The following NAALADL2 variants were observed in gnomAD, a reference collection of about 807,000 sequenced individuals.
NAALADL2 encodes N-acetylated alpha-linked acidic dipeptidase like 2.
Under a neutral mutation model 87.2 loss-of-function variants are expected in NAALADL2, and 76 were observed. The observed-to-expected ratio is 0.87, with a 90% CI of 0.72 to 1.05. The LOEUF is 1.05. Ranked by LOEUF, NAALADL2 falls within the 50% of genes least tolerant of loss-of-function variation. The pLI is 0.00. For missense variants in NAALADL2, 1,089 were observed against 945.8 expected (o/e 1.15, Z -1.99); for synonymous variants, 354 against 331.0 (o/e 1.07, Z -0.75).
chr3:175,438,918 A>G (rs1719212453), intron 5 of NAALADL2, among the ~76,000 whole-genome samples: 1 of 152,078 alleles, frequency 6.6e-6, no homozygotes, highest in Non-Finnish European at 1.5e-5. Flanking sequence ...TAAGTCCTTT[A>G]GTGGTGATTT....
At chr3:175,295,759 T>C (rs1480874362) in intron 4 of NAALADL2, among the ~76,000 whole-genome samples, 2 of 150,520 alleles carry the variant, frequency 1.3e-5, no homozygotes, top group African/African-American at 4.9e-5. Flanking sequence ...CCTCTCTCTC[T>C]CTCTCAGCAC....
intron 2 of NAALADL2, among the ~76,000 whole-genome samples, chr3:175,153,607 A>C (rs1181199811): frequency 6.6e-6 from 1 of 152,188 alleles, no homozygotes; most frequent in African/African-American, 2.4e-5. Flanking sequence ...GGTTCAAGTA[A>C]ATTTAAGTTT....
chr3:174,703,464 A>C (rs1469796570), intron 2 of NAALADL2, among the ~76,000 whole-genome samples: 2 of 152,282 alleles, frequency 1.3e-5, no homozygotes, highest in East Asian at 3.9e-4. Context: ...TGGACTGACT[A>C]GTTTCCTGGG....
intron 2 of NAALADL2, among the ~76,000 whole-genome samples, chr3:174,642,501 T>A (rs1425272994): frequency 1.1e-5 from 1 of 93,628 alleles, no homozygotes; most frequent in African/African-American, 4.7e-5. Flanking sequence ...ACTCAGTCTC[T>A]GGGGATAAAA....
intron 1 of NAALADL2, among the ~76,000 whole-genome samples, chr3:174,966,270 G>A (rs961046121): frequency 6.6e-6 from 1 of 152,118 alleles, no homozygotes; most frequent in African/African-American, 2.4e-5. Context: ...CCCTCGGCCT[G>A]TCATAATATG....
chr3:174,450,939 G>T (rs1429919043), intron 1 of NAALADL2, among the ~76,000 whole-genome samples: 1 of 150,522 alleles, frequency 6.6e-6, no homozygotes, highest in Non-Finnish European at 1.5e-5. Flanking sequence ...TGTTTACTCT[G>T]CAGAAACCAT....
chr3:174,927,401 A>G (rs1212464168), intron 1 of NAALADL2, among the ~76,000 whole-genome samples: 1 of 152,230 alleles, frequency 6.6e-6, no homozygotes, highest in Non-Finnish European at 1.5e-5. Flanking sequence ...TCAACAGAAT[A>G]TACATTCTTC....
chr3:175,364,463 T>C lies in NAALADL2; in HGVS notation c.1090+40138T>C, dbSNP rs1337283746. On this transcript the variant is annotated intron_variant, in intron 5 of 13. Coordinates refer to ENST00000454872, the MANE Select transcript of NAALADL2 (RefSeq NM_207015.3). ...AGTCTTAATAGTGCTAGAATTCCCT[T>C]GGGTTGTACATTCGGGAGTGATATT... is the stretch of plus-strand genomic sequence containing the variant. 2.0e-5 allele frequency among the ~76,000 whole-genome samples: 3 copies of C among 147,916 alleles called. 1 individual carries two copies. The East Asian group carries it at 6.0e-4, about 30-fold the overall frequency.
chr3:175,716,449 G>A (rs1405613041), intron 11 of NAALADL2, among the ~76,000 whole-genome samples: 1 of 151,506 alleles, frequency 6.6e-6, no homozygotes, highest in Non-Finnish European at 1.5e-5. Context: ...AATGTTGGGG[G>A]AAGTCGAGAG....
intron 2 of NAALADL2, among the ~76,000 whole-genome samples, chr3:175,098,061 G>C (rs1473614587): frequency 6.6e-6 from 1 of 152,148 alleles, no homozygotes; most frequent in East Asian, 1.9e-4. Context: ...CTTAATTCAT[G>C]TGCTGAAATA....
intron 6 of NAALADL2, among the ~76,000 whole-genome samples, chr3:175,457,178 T>C (rs1332900075): frequency 6.6e-6 from 1 of 152,032 alleles, no homozygotes; most frequent in Non-Finnish European, 1.5e-5. Flanking sequence ...TCACCCTACA[T>C]CAAATGTTCT....
intron 11 of NAALADL2, among the ~76,000 whole-genome samples, chr3:175,682,861 A>G (rs1028248614): frequency 6.6e-6 from 1 of 152,052 alleles, no homozygotes; most frequent in African/African-American, 2.4e-5. Flanking sequence ...TTCTTTTATA[A>G]AAAAGTTACA....
chr3:175,031,872 G>T (rs1752836575), intron 1 of NAALADL2, among the ~76,000 whole-genome samples: 3 of 152,032 alleles, frequency 2.0e-5, no homozygotes, highest in Admixed American at 6.6e-5. Flanking sequence ...TGTTAGTGAT[G>T]TTGAGCATTT....
intron 11 of NAALADL2, among the ~76,000 whole-genome samples, chr3:175,689,778 C>T (rs78779611): frequency 0.092 from 13,999 of 151,980 alleles, 1,130 homozygotes; most frequent in African/African-American, 0.22. Context: ...TCAAAATGTC[C>T]ACCAGCTTTA....
At chr3:174,630,727 G>C (rs771566468) in intron 2 of NAALADL2, among the ~76,000 whole-genome samples, 6 of 152,152 alleles carry the variant, frequency 3.9e-5, no homozygotes, top group South Asian at 2.1e-4. Flanking sequence ...CAAAGAGAAA[G>C]ATGGAGGTGA....
intron 2 of NAALADL2, among the ~76,000 whole-genome samples, chr3:175,216,786 A>G (rs1742620179): frequency 6.8e-6 from 1 of 146,298 alleles, no homozygotes; most frequent in South Asian, 2.1e-4. Context: ...CTCCTGCCTC[A>G]GCCTCCTGAG....
At chr3:175,155,316 G>C (rs1383324504) in intron 2 of NAALADL2, among the ~76,000 whole-genome samples, 1 of 152,164 alleles carries the variant, frequency 6.6e-6, no homozygotes, top group Non-Finnish European at 1.5e-5. Context: ...TTGTGTAACA[G>C]CTGTAGCAGT....
At chr3:174,740,619 T>C (rs952041848) in intron 3 of NAALADL2, among the ~76,000 whole-genome samples, 9 of 151,824 alleles carry the variant, frequency 5.9e-5, no homozygotes, top group Non-Finnish European at 3.0e-5. Flanking sequence ...CAAAATCTAA[T>C]TTAAAGTTTA....
chr3:175,327,668 A>G (rs1029757028), intron 5 of NAALADL2, among the ~76,000 whole-genome samples: 1 of 152,314 alleles, frequency 6.6e-6, no homozygotes, highest in East Asian at 1.9e-4. Context: ...AAGACAAAAG[A>G]AAAGAGATTT....
Sources: gnomAD v4.1 joint callset for allele counts (sites outside exome capture counted in the v4.1 genomes callset) on GRCh38, gnomAD v4.1.1 for gene constraint, MANE v1.5 for transcripts, NCBI Gene and HGNC (gene_info 2026-07-23, HGNC 2026-07-21) for gene names.